Variants in ULK1 observed in about 807,000 individuals in gnomAD.
The protein encoded by ULK1 is unc-51 like autophagy activating kinase 1.
Under a neutral mutation model 117.5 loss-of-function variants are expected in ULK1, and 48 were observed. That is an observed-to-expected ratio of 0.41 (90% confidence interval 0.32 to 0.52). The LOEUF (loss-of-function observed/expected upper bound fraction) is 0.52. Ranked by LOEUF, ULK1 falls within the 20% of genes least tolerant of loss-of-function variation. ULK1 has a pLI of 0.29. For missense variants in ULK1, 1,387 were observed against 1,473.4 expected, an observed-to-expected ratio of 0.94 and a Z score of 0.96; for synonymous variants, 790 against 637.8, an observed-to-expected ratio of 1.24 and a Z score of -3.60.
At position 131,909,902 on chromosome 12, in the gene ULK1, G is replaced by GCCT. The variant is rs750671914; in HGVS notation, c.726-12_726-10dup. ...GGCCCCGCAGGCCCTGCTCACACCA[G>GCCT]CCTCCTCTTGCCCCAGCATCCCCCG... On this transcript the variant is annotated splice_polypyrimidine_tract_variant and intron_variant, in intron 9 of 27. Coordinates refer to ENST00000321867, the MANE Select transcript of ULK1 (RefSeq NM_003565.4). The GCCT allele has an allele frequency of 6.2e-7, 1 of 1,611,366 alleles. No homozygotes were observed. The highest frequency in any genetic ancestry group is 1.7e-5 in the Admixed American group (1 of 59,924).
rs375041559 is a variant in ULK1 at position 131,917,031 on chromosome 12, G to A, written c.2151G>A (p.Thr717=). The part of the protein sequence containing the change: ...FGTQAPDPGS[T]ESLQEKPMEI... ...CACAAGCCCCGGACCCGGGCAGCAC[G>A]GAGAGCCTGCAGGAGAAGCCCATGG... Residue 717 remains threonine, a synonymous_variant, in exon 21 of 28, where the codon ACG becomes ACA. Coordinates refer to ENST00000321867, the MANE Select transcript of ULK1 (RefSeq NM_003565.4). The A allele has an allele frequency of 1.1e-4, 181 of 1,608,802 alleles. 3 individuals are homozygous for A. In the South Asian group the frequency reaches 1.7e-3, roughly 16 times the overall value.
chr12:131,894,816 C>T lies in ULK1; in HGVS notation c.-186C>T, dbSNP rs1448696044. The T allele has an allele frequency of 1.3e-5, 2 of 150,622 alleles. No homozygotes were observed. Among genetic ancestry groups the T allele is most frequent in the African/African-American group, 4.9e-5 (2 of 40,960 alleles). 9.3% of individuals were successfully genotyped at this position (150,622 alleles called of 1,614,324 possible). ...AGCGCGACCCTCGGACCCCGCCTGG[C>T]CCGCGGGGCTGGGACCCGGCCCCGG... is the stretch of plus-strand genomic sequence containing the variant. On this transcript the variant is annotated 5_prime_UTR_variant, in exon 1 of 28. Coordinates refer to ENST00000321867, the MANE Select transcript of ULK1 (RefSeq NM_003565.4).
rs1283187162 is a variant in ULK1 at position 131,910,771 on chromosome 12, A to G, written c.919A>G (p.Ser307Gly). ...GGGGTCCGGCAGCAGCTCCAGCAGC[A>G]GCTCCACCTCCCACCTGGCCTCCCC... Reference protein sequence around the residue: ...SSGSGSSSSSSSTSHLASPPS... With the variant: ...SSGSGSSSSSGSTSHLASPPS... The change falls in exon 12 of 28, where the codon AGC becomes GGC. Residue 307 changes from serine to glycine, a missense_variant. Physicochemically the swap from Ser to Gly is moderately conservative, Grantham distance 56. This residue lies in a region of ULK1 where 260 missense variants were observed against 271.6 expected (regional missense o/e 0.96). Transcript: ENST00000321867. 6.2e-7 allele frequency: 1 copy of G among 1,612,628 alleles called. No individual in the cohort carries two copies. The highest frequency in any genetic ancestry group is 1.1e-5 in the South Asian group (1 of 91,072).
Position 131,916,522 on chromosome 12 carries a change from G to A in ULK1, c.2003G>A (p.Gly668Glu). ...NRTLPDLSEV[G>E]PFHGQPLGPG... ...ACGCTGCCCGACCTCTCGGAGGTGG[G>A]ACCCTTCCATGGTCAGCCGTTGGGC... Residue 668 changes from glycine to glutamate, a missense_variant, in exon 20 of 28, where the codon GGA becomes GAA. By Grantham distance (98) the Gly-to-Glu change is moderately conservative. This residue lies in a region of ULK1 where 900 missense variants were observed against 858.9 expected (regional missense o/e 1.05). Coordinates refer to ENST00000321867, the MANE Select transcript of ULK1 (RefSeq NM_003565.4). 6.2e-7 allele frequency: 1 copy of A among 1,611,398 alleles called. No individual in the cohort carries two copies.
At chr12:131,917,871 G>C (rs1487190892) in intron 22 of ULK1, among the ~76,000 whole-genome samples, 1 of 152,220 alleles carries the variant, frequency 6.6e-6, no homozygotes, top group African/African-American at 2.4e-5. Flanking sequence ...AGCTGCCGTG[G>C]GCTGTGCTGT....
Position 131,894,943 on chromosome 12 carries a change from T to C in ULK1, c.-59T>C. On this transcript the variant is annotated 5_prime_UTR_variant, in exon 1 of 28. It removes the in-frame stop codon of an upstream open reading frame in the 5' UTR. Transcript: ENST00000321867. ...GCCCGCCCCGGCCCGCGCCTCCGCC[T>C]GAGTCCCCCGCGCCTTGGCCCGCCA... The C allele has an allele frequency of 1.4e-4, 16 of 117,964 alleles. No individual in the cohort carries two copies. Among genetic ancestry groups the C allele is most frequent in the Non-Finnish European group, 1.7e-4 (15 of 86,076 alleles). The allele number at this position is 117,964 out of a possible 1,614,324, so 7.3% of individuals were successfully genotyped here.
At position 131,915,411 on chromosome 12, in the gene ULK1, C is replaced by G. The variant is rs1238581016; in HGVS notation, c.1599C>G (p.Ser533=). ...GAGCTGAGATGCGGGGTGGCAGGTCCCCTCGTCCAGGTGGGTGCAGTCCGG... is the reference window on the plus strand; with the variant it reads ...GAGCTGAGATGCGGGGTGGCAGGTCGCCTCGTCCAGGTGGGTGCAGTCCGG... ...PQGAEMRGGR[S]PRPGSSAPEH... is the part of the protein sequence containing the mutation. Residue 533 remains serine (S), a synonymous_variant, in exon 18 of 28, where the codon TCC becomes TCG. Transcript: ENST00000321867. The G allele has an allele frequency of 1.9e-6, 3 of 1,612,606 alleles. No individual in the cohort carries two copies. Among genetic ancestry groups the G allele is most frequent in the Non-Finnish European group, 2.5e-6 (3 of 1,179,964 alleles).
chr12:131,915,032 G>T, intron 16 of ULK1, 51 bp from the exon 17 acceptor site: 4 of 1,512,702 alleles, frequency 2.6e-6, no homozygotes, highest in Non-Finnish European at 3.5e-6. Flanking sequence ...CCGTCCACAG[G>T]TCAGGCAGGG....
intron 3 of ULK1, 83 bp downstream of exon 3, chr12:131,895,907 T>G: frequency 6.4e-7 from 1 of 1,561,090 alleles, no homozygotes; most frequent in Non-Finnish European, 8.8e-7. Context: ...TGAGCACTGG[T>G]GTTGAGCCTG....
intron 4 of ULK1, 102 bp downstream of exon 4, chr12:131,907,026 T>TC: frequency 6.6e-7 from 1 of 1,517,528 alleles, no homozygotes; most frequent in Non-Finnish European, 9.1e-7. Flanking sequence ...GAGCACCTTT[T>TC]CTTTTTTTTT....
At chr12:131,895,885 T>C in intron 3 of ULK1, 61 bp downstream of exon 3, 1 of 1,602,220 alleles carries the variant, frequency 6.2e-7, no homozygotes, top group Non-Finnish European at 8.5e-7. Context: ...CCCCAGGTGC[T>C]GGATCCCCTG....
chr12:131,907,733 C>T (rs1889333430), intron 5 of ULK1, among the ~76,000 whole-genome samples: 1 of 152,156 alleles, frequency 6.6e-6, no homozygotes, highest in Non-Finnish European at 1.5e-5. Context: ...TGCAGTCCCT[C>T]CGCTGGCCTC....
intron 22 of ULK1, 33 bp from the exon 23 acceptor site, chr12:131,918,464 C>T (rs1889958371): frequency 1.3e-6 from 2 of 1,594,668 alleles, no homozygotes; most frequent in Admixed American, 3.4e-5. Flanking sequence ...GTCTGCTGGT[C>T]CTGGTGTGCC....
Position 131,909,965 on chromosome 12 carries a change from C to G in ULK1, c.772C>G (p.Leu258Val). 6.2e-7 allele frequency: 1 copy of G among 1,612,182 alleles called. No homozygotes were observed. The highest frequency in any genetic ancestry group is 8.5e-7 in the Non-Finnish European group (1 of 1,179,854). ...CCCGCTGCGGCAGCTGCTCCTGGCCCTACTGCAACGCAACCACAAGGACCG... is the reference window on the plus strand; with the variant it reads ...CCCGCTGCGGCAGCTGCTCCTGGCCGTACTGCAACGCAACCACAAGGACCG... ...SAPLRQLLLA[L>V]LQRNHKDRMD... is the part of the protein sequence containing the mutation. Residue 258 changes from leucine to valine, a missense_variant, in exon 10 of 28, where the codon CTA (leucine) becomes GTA (valine). Leu to Val is a conservative substitution (Grantham distance 32). This residue lies in a region of ULK1 where 260 missense variants were observed against 271.6 expected (regional missense o/e 0.96). Transcript: ENST00000321867.
At chr12:131,907,392 C>A in intron 4 of ULK1, 103 bp from the exon 5 acceptor site, 3 of 1,463,772 alleles carry the variant, frequency 2.0e-6, no homozygotes, top group Non-Finnish European at 1.9e-6. Flanking sequence ...TGCCTGCGGG[C>A]TCAGGGAGTA....
At chr12:131,906,787 C>T in intron 3 of ULK1, 105 bp from the exon 4 acceptor site, 1 of 1,440,442 alleles carries the variant, frequency 6.9e-7, no homozygotes, top group Non-Finnish European at 9.7e-7. Flanking sequence ...CAGCTAAGTC[C>T]TGGCACTGCA....
intron 15 of ULK1, among the ~76,000 whole-genome samples, chr12:131,914,066 C>A (rs1889663860): frequency 2.8e-5 from 1 of 36,230 alleles, no homozygotes; most frequent in South Asian, 6.2e-4. Flanking sequence ...GACGCCAGGG[C>A]CAGCACAGTC....
intron 7 of ULK1, 38 bp from the exon 8 acceptor site, chr12:131,909,098 G>C: frequency 1.2e-6 from 2 of 1,600,576 alleles, no homozygotes; most frequent in Non-Finnish European, 8.5e-7. Context: ...TGGTTGGCGT[G>C]CGGGGGCCTC....
chr12:131,907,388 C>G (rs982113455), intron 4 of ULK1, 107 bp from the exon 5 acceptor site: 1 of 1,423,370 alleles, frequency 7.0e-7, no homozygotes, highest in Non-Finnish European at 9.5e-7. Flanking sequence ...CAGGTGCCTG[C>G]GGGCTCAGGG....
Sources: allele counts gnomAD v4.1 joint callset (sites outside exome capture counted in the v4.1 genomes callset), GRCh38; gene constraint gnomAD v4.1.1; regional missense constraint gnomAD v4.1.1; transcripts MANE v1.5; gene names NCBI Gene and HGNC (gene_info 2026-07-23, HGNC 2026-07-21).